ZNF287: variants seen among roughly 807,000 people sequenced by gnomAD.
The protein encoded by ZNF287 is zinc finger protein with KRAB and SCAN domains 13.
ZNF287 carries 31 observed loss-of-function variants against 73.7 expected under a neutral mutation model. The ratio of observed to expected loss-of-function variants is 0.42; its 90% confidence interval spans 0.32 to 0.57. ZNF287 has a LOEUF of 0.57. Among genes scored for constraint, ZNF287 ranks in the 20% least tolerant of loss-of-function variants. The pLI is 0.13. For synonymous variants in ZNF287, 301 were observed against 307.2 expected (o/e 0.98, Z 0.21); for missense variants, 641 against 909.3 (o/e 0.70, Z 3.79).
rs191074920 is a variant in ZNF287 at position 16,549,214 on chromosome 17, C to A, written c.*2642G>T. ...TTGCTAAAAACTGTTGAATAATTTG[C>A]GGGTCAGACAACTGTAAAAGTGGGA... On this transcript the variant is annotated 3_prime_UTR_variant, in exon 6 of 6. Transcript: ENST00000395825. 6.6e-6 allele frequency among the ~76,000 whole-genome samples: 1 copy of A among 152,054 alleles called. No homozygotes were observed. The highest frequency in any genetic ancestry group is 2.4e-5 in the African/African-American group (1 of 41,412).
chr17:16,560,943 T>C (rs958215224), intron 5 of ZNF287, among the ~76,000 whole-genome samples: 3 of 149,932 alleles, frequency 2.0e-5, no homozygotes, highest in East Asian at 2.0e-4. Flanking sequence ...GTGGAGCTTG[T>C]AGTGAGCCAA....
intron 4 of ZNF287, 163 bp from the exon 5 acceptor site, chr17:16,563,395 A>T: frequency 1.7e-6 from 1 of 605,736 alleles, no homozygotes; most frequent in Non-Finnish European, 2.8e-6. Context: ...TTATCCTTTC[A>T]GAGACAGGAT....
intron 2 of ZNF287, 149 bp from the exon 3 acceptor site, chr17:16,566,771 G>T: frequency 1.9e-6 from 1 of 537,784 alleles, no homozygotes; most frequent in Non-Finnish European, 3.3e-6. Context: ...TCAGAGGAAA[G>T]GGCCAATGAC....
At chr17:16,554,661 G>A (rs569487106) in intron 5 of ZNF287, among the ~76,000 whole-genome samples, 1 of 152,336 alleles carries the variant, frequency 6.6e-6, no homozygotes, top group East Asian at 1.9e-4. Context: ...GCTTACTCCT[G>A]TAATCCCAGC....
In ZNF287 at chr17:16,549,563, G is replaced by C. The variant is rs1906509772; in HGVS notation, c.*2293C>G. On this transcript the variant is annotated 3_prime_UTR_variant, in exon 6 of 6. Coordinates refer to ENST00000395825, the MANE Select transcript of ZNF287 (RefSeq NM_020653.4). ...TGTACTTTGTGCAGGATGATACTAT[G>C]AAATCAAGGTTAACTAATGTAAGGG... is the stretch of plus-strand genomic sequence containing the variant. 6.6e-6 allele frequency among the ~76,000 whole-genome samples: 1 copy of C among 152,164 alleles called. No individual in the cohort carries two copies. The highest frequency in any genetic ancestry group is 2.4e-5 in the African/African-American group (1 of 41,442).
Position 16,553,326 on chromosome 17 carries a change from G to A in ZNF287, c.816C>T (p.Tyr272=), listed in dbSNP as rs760525003. Residue 272 remains tyrosine (Y), a synonymous_variant, in exon 6 of 6, where the codon TAC becomes TAT. Coordinates refer to ENST00000395825, the MANE Select transcript of ZNF287 (RefSeq NM_020653.4). ...TTCCTCGCCTCTCTAGTCTATCATC[G>A]TAGTCATATGAGTCTTCTAATTTGA... ...HTIKLEDSYD[Y]DDRLERRGKG... The A allele has an allele frequency of 1.3e-5, 21 of 1,613,476 alleles. No homozygotes were observed. Among genetic ancestry groups the A allele is most frequent in the African/African-American group, 6.7e-5 (5 of 74,846 alleles).
Position 16,563,805 on chromosome 17 carries a change from A to C in ZNF287, c.522T>G (p.Asp174Glu). Residue 174 changes from aspartate to glutamate, a missense_variant, in exon 4 of 6, where the codon GAT becomes GAG. Asp to Glu is a conservative substitution (Grantham distance 45). Transcript: ENST00000395825. ...CCTCCTGGGTGATGTCTACAGCCAC[A>C]TCTTTGAATGTCATCGATTCCTAAA... ...LVTKESMTFKDVAVDITQEDW... is the reference protein window; with the variant it reads ...LVTKESMTFKEVAVDITQEDW... 6.2e-7 allele frequency: 1 copy of C among 1,613,746 alleles called. No individual in the cohort carries two copies.
Position 16,551,732 on chromosome 17 carries a change from T to TACTTCTGCTGAGTATCTAACATATTGCAC in ZNF287, c.*95_*123dup. On this transcript the variant is annotated 3_prime_UTR_variant, in exon 6 of 6. Coordinates refer to ENST00000395825, the MANE Select transcript of ZNF287 (RefSeq NM_020653.4). ...GTTATATCCATACCACTACTTCTGA[T>TACTTCTGCTGAGTATCTAACATATTGCAC]ACTTCTGCTGAGTATCTAACATATT... 1 of 1,034,822 alleles carries TACTTCTGCTGAGTATCTAACATATTGCAC rather than the reference T, an allele frequency of 9.7e-7. No homozygotes were observed. The highest frequency in any genetic ancestry group is 1.7e-5 in the South Asian group (1 of 58,954). The allele number at this position is 1,034,822 out of a possible 1,614,324, so 64.1% of individuals were successfully genotyped here.
intron 5 of ZNF287, 69 bp downstream of exon 5, chr17:16,563,077 G>A (rs1907540236): frequency 2.4e-6 from 3 of 1,244,754 alleles, no homozygotes; most frequent in Non-Finnish European, 3.5e-6. Flanking sequence ...TATTTAAAAT[G>A]CATTTCTCAC....
At chr17:16,568,374 G>A (rs917591198) in intron 1 of ZNF287, among the ~76,000 whole-genome samples, 1 of 152,044 alleles carries the variant, frequency 6.6e-6, no homozygotes, top group Non-Finnish European at 1.5e-5. Context: ...TCAGGGGAAA[G>A]GGCGAGCCAT....
At chr17:16,556,308 A>G (rs1296694114) in intron 5 of ZNF287, among the ~76,000 whole-genome samples, 1 of 152,196 alleles carries the variant, frequency 6.6e-6, no homozygotes, top group Non-Finnish European at 1.5e-5. Flanking sequence ...CAAATACAAA[A>G]TCACAGTTTA....
chr17:16,548,874 T>G lies in ZNF287; in HGVS notation c.*2982A>C, dbSNP rs1797662651. ...ATAATCAAATACTATGTGTGAAAAC[T>G]GACTGGATCAACAGAGGAAATTTAA... On this transcript the variant is annotated 3_prime_UTR_variant, in exon 6 of 6. Coordinates refer to ENST00000395825, the MANE Select transcript of ZNF287 (RefSeq NM_020653.4). 6.6e-6 allele frequency among the ~76,000 whole-genome samples: 1 copy of G among 151,818 alleles called. No homozygotes were observed. The highest frequency in any genetic ancestry group is 2.4e-5 in the African/African-American group (1 of 41,374).
chr17:16,565,576 TC>T (rs1389418365), intron 3 of ZNF287, among the ~76,000 whole-genome samples: 1 of 152,204 alleles, frequency 6.6e-6, no homozygotes, highest in Non-Finnish European at 1.5e-5. Flanking sequence ...GTTCACACTA[TC>T]AATGAATAAT....
intron 5 of ZNF287, among the ~76,000 whole-genome samples, chr17:16,557,449 A>G (rs1409749830): frequency 6.6e-6 from 1 of 152,194 alleles, no homozygotes; most frequent in African/African-American, 2.4e-5. Flanking sequence ...GATCTGAGAC[A>G]GTAATGGCCA....
In ZNF287 at chr17:16,551,523, A is replaced by G. The variant is rs181888557; in HGVS notation, c.*333T>C. On this transcript the variant is annotated 3_prime_UTR_variant, in exon 6 of 6. Coordinates refer to ENST00000395825, the MANE Select transcript of ZNF287 (RefSeq NM_020653.4). ...TGAGTATGGGTAGATTTTCGTATAC[A>G]TGGGTGGTCCTGGAACCAATCCCCC... The G allele has an allele frequency of 1.9e-3, 441 of 228,550 alleles. No individual in the cohort carries two copies. Among genetic ancestry groups the G allele is most frequent in the Non-Finnish European group, 3.2e-3 (372 of 117,514 alleles). 14.2% of individuals were successfully genotyped at this position (228,550 alleles called of 1,614,324 possible). A position where few individuals can be genotyped will look rare whatever the true frequency, so the allele number is the denominator to read the frequency against.
In ZNF287 at chr17:16,556,175, C is replaced by G. The variant is rs540082467; in HGVS notation, c.716-2749G>C. Among the ~76,000 whole-genome samples the G allele has an allele frequency of 5.4e-4, 82 of 152,102 alleles. 1 individual carries two copies. Among genetic ancestry groups the G allele is most frequent in the Middle Eastern group, 3.4e-3 (1 of 294 alleles). ...TTACAGACAGACACAGACACACACA[C>G]ACACACACACACACACAAAATCTAA... On this transcript the variant is annotated intron_variant, in intron 5 of 5. Transcript: ENST00000395825.
At chr17:16,567,996 C>G (rs1295855821) in intron 1 of ZNF287, 67 bp from the exon 2 acceptor site, 25 of 1,263,918 alleles carry the variant, frequency 2.0e-5, no homozygotes, top group Non-Finnish European at 2.3e-5. Flanking sequence ...TATACACACA[C>G]AGAAACAGAC....
At chr17:16,558,814 A>G (rs2142478612) in intron 5 of ZNF287, 1 of 152,166 alleles carries the variant, frequency 6.6e-6, no homozygotes, top group African/African-American at 2.4e-5. Context: ...CTGCCTCTGC[A>G]AAAAATACAA....
rs939708675 is a variant in ZNF287, at chr17:16,550,955, C to T, written c.*901G>A. Among the ~76,000 whole-genome samples the T allele has an allele frequency of 2.0e-5, 3 of 152,118 alleles. No homozygotes were observed. Among genetic ancestry groups the T allele is most frequent in the African/African-American group, 4.8e-5 (2 of 41,412 alleles). ...TTAAGCTTGAGGCATTTAATTTTTG[C>T]CTGTTTAACTAAATCTCTACACATC... On this transcript the variant is annotated 3_prime_UTR_variant, in exon 6 of 6. Coordinates refer to ENST00000395825, the MANE Select transcript of ZNF287 (RefSeq NM_020653.4).
Sources: gnomAD v4.1 joint callset for allele counts (sites outside exome capture counted in the v4.1 genomes callset) on GRCh38, gnomAD v4.1.1 for gene constraint, MANE v1.5 for transcripts, NCBI Gene and HGNC (gene_info 2026-07-23, HGNC 2026-07-21) for gene names.